Variants in ADGRL3 observed in about 807,000 individuals in gnomAD.
ADGRL3 encodes calcium-independent alpha-latrotoxin receptor 3.
In ADGRL3, 62 loss-of-function variants were observed where a neutral mutation model predicts 153.5. That is an observed-to-expected ratio of 0.40 (90% CI 0.33 to 0.50). The LOEUF (loss-of-function observed/expected upper bound fraction) is 0.50. ADGRL3 is among the 20% of genes least tolerant of loss of function. ADGRL3 has a pLI of 0.47. For missense variants in ADGRL3, 1,641 were observed against 1,859.4 expected (o/e 0.88, Z 2.16); for synonymous variants, 710 against 672.5 (o/e 1.06, Z -0.86).
At chr4:61,681,414 TA>T (rs1379153933) in intron 6 of ADGRL3, among the ~76,000 whole-genome samples, 3 of 152,104 alleles carry the variant, frequency 2.0e-5, no homozygotes, top group African/African-American at 7.2e-5. Context: ...CAATAAAGCA[TA>T]TATTACTTAT....
intron 6 of ADGRL3, among the ~76,000 whole-genome samples, chr4:61,697,093 A>G (rs1213624897): frequency 2.6e-5 from 4 of 152,176 alleles, no homozygotes; most frequent in African/African-American, 7.2e-5. Flanking sequence ...TAAATAATCA[A>G]TTGAAGATTA....
intron 2 of ADGRL3, among the ~76,000 whole-genome samples, chr4:61,428,432 G>A (rs565291726): frequency 6.5e-4 from 99 of 152,242 alleles, no homozygotes; most frequent in Middle Eastern, 3.4e-3. Flanking sequence ...TCCTTACAGC[G>A]ACAGAAGATA....
At chr4:61,328,221 G>C (rs2095502445) in intron 1 of ADGRL3, among the ~76,000 whole-genome samples, 1 of 152,150 alleles carries the variant, frequency 6.6e-6, no homozygotes, top group African/African-American at 2.4e-5. Flanking sequence ...CCAATGTAGA[G>C]CTTGAGTGAG....
At chr4:61,315,423 C>A (rs1056036635) in intron 1 of ADGRL3, among the ~76,000 whole-genome samples, 1 of 152,238 alleles carries the variant, frequency 6.6e-6, no homozygotes, top group South Asian at 2.1e-4. Context: ...CTAACCTAGA[C>A]TAGCCATAAA....
In ADGRL3 at chr4:61,592,373, G is replaced by A. The variant is rs143187522; in HGVS notation, c.473+4933G>A. ...TTTGACAGATCCATTATGTTGTCTC[G>A]TATTTCTCTTATAAACTATAACAGA... On this transcript the variant is annotated intron_variant, in intron 5 of 26. Coordinates refer to ENST00000683033, the MANE Select transcript of ADGRL3 (RefSeq NM_001387552.1). Among the ~76,000 whole-genome samples the A allele has an allele frequency of 8.5e-5, 13 of 152,094 alleles. No individual in the cohort carries two copies. The East Asian group carries it at 1.5e-3, about 18-fold the overall frequency.
intron 25 of ADGRL3, among the ~76,000 whole-genome samples, chr4:62,047,510 T>C (rs1351413391): frequency 6.6e-6 from 1 of 152,122 alleles, no homozygotes; most frequent in Non-Finnish European, 1.5e-5. Context: ...CAGCTTGTTG[T>C]ATCATAAGTA....
In ADGRL3 at chr4:61,759,119, C is replaced by A. The variant is rs191590761; in HGVS notation, c.1399+25565C>A. On this transcript the variant is annotated intron_variant, in intron 8 of 26. Coordinates refer to ENST00000683033, the MANE Select transcript of ADGRL3 (RefSeq NM_001387552.1). ...TTTCTGGCTGCCCTTAACATTTTTT[C>A]CTTCATTTCAACTTTGGTAAATCTG... Among the ~76,000 whole-genome samples, 1,295 of 152,202 alleles carry A rather than the reference C, an allele frequency of 8.5e-3. 21 individuals are homozygous for A. The highest frequency in any genetic ancestry group is 0.03 in the African/African-American group (1,234 of 41,528).
chr4:62,014,309 G>T (rs1394829287), intron 21 of ADGRL3, among the ~76,000 whole-genome samples: 1 of 152,074 alleles, frequency 6.6e-6, no homozygotes, highest in Non-Finnish European at 1.5e-5. Flanking sequence ...TCACTTAAAA[G>T]CAGTAGGTGA....
intron 1 of ADGRL3, among the ~76,000 whole-genome samples, chr4:61,251,933 G>A (rs1349712797): frequency 6.6e-6 from 1 of 150,388 alleles, no homozygotes; most frequent in Non-Finnish European, 1.5e-5. Context: ...GCCCAGGCTG[G>A]AGTGCAATGG....
intron 8 of ADGRL3, among the ~76,000 whole-genome samples, chr4:61,771,240 G>A (rs2097082423): frequency 6.6e-6 from 1 of 152,194 alleles, no homozygotes; most frequent in Admixed American, 6.5e-5. Context: ...CCCTGTGCAA[G>A]TTCCCTTATC....
rs115746756 is a variant in ADGRL3 at position 61,342,138 on chromosome 4, C to G, written c.-239-40986C>G. 4.2e-3 allele frequency among the ~76,000 whole-genome samples: 644 copies of G among 152,004 alleles called. 4 individuals carry two copies. Among genetic ancestry groups the G allele is most frequent in the African/African-American group, 0.015 (626 of 41,472 alleles). Reference sequence around the variant, plus strand: ...ACTATTGATATTTTTATACATTTAGCCGGCATTTCAAATTTTCCTTGCTGC... The same window carrying G: ...ACTATTGATATTTTTATACATTTAGGCGGCATTTCAAATTTTCCTTGCTGC... On this transcript the variant is annotated intron_variant, in intron 1 of 26. Coordinates refer to ENST00000683033, the MANE Select transcript of ADGRL3 (RefSeq NM_001387552.1).
At chr4:61,982,845 A>G (rs965052163) in intron 18 of ADGRL3, among the ~76,000 whole-genome samples, 4 of 152,200 alleles carry the variant, frequency 2.6e-5, no homozygotes, top group African/African-American at 4.8e-5. Context: ...AAGGCAGGGT[A>G]GAAATAAACA....
At chr4:61,435,581 T>C (rs1254028158) in intron 2 of ADGRL3, among the ~76,000 whole-genome samples, 1 of 152,306 alleles carries the variant, frequency 6.6e-6, no homozygotes, top group Middle Eastern at 3.4e-3. Context: ...TTGTATTTTA[T>C]ATATTTTTGT....
intron 4 of ADGRL3, among the ~76,000 whole-genome samples, chr4:61,540,985 T>C (rs2098687280): frequency 6.6e-6 from 1 of 151,788 alleles, no homozygotes; most frequent in Admixed American, 6.6e-5. Flanking sequence ...TTAGTCACAA[T>C]GTAATTATGA....
intron 8 of ADGRL3, among the ~76,000 whole-genome samples, chr4:61,750,777 G>A (rs971332168): frequency 6.3e-4 from 82 of 130,518 alleles, no homozygotes; most frequent in Admixed American, 1.4e-3. Flanking sequence ...GCGACAGAGC[G>A]AGACTCCGTC....
At chr4:61,825,251 A>G (rs1205158790) in intron 9 of ADGRL3, among the ~76,000 whole-genome samples, 1 of 152,212 alleles carries the variant, frequency 6.6e-6, no homozygotes, top group Non-Finnish European at 1.5e-5. Flanking sequence ...GTATATGGCC[A>G]TGGACAAAAC....
intron 5 of ADGRL3, among the ~76,000 whole-genome samples, chr4:61,594,574 C>G (rs2098981580): frequency 6.6e-6 from 1 of 152,118 alleles, no homozygotes; most frequent in African/African-American, 2.4e-5. Context: ...TCTCACTTAC[C>G]AGGCAGAGAC....
rs143234980 is a variant in ADGRL3, at chr4:61,425,823, C to T, written c.-174+42634C>T. Among the ~76,000 whole-genome samples the T allele has an allele frequency of 2.6e-5, 4 of 152,366 alleles. No individual in the cohort carries two copies. In the East Asian group the frequency reaches 7.7e-4, roughly 29 times the overall value. On this transcript the variant is annotated intron_variant, in intron 2 of 26. Coordinates refer to ENST00000683033, the MANE Select transcript of ADGRL3 (RefSeq NM_001387552.1). ...GTAAATCACACAGTAGGCCCTCCCC[C>T]CTGGGGCTATGGTAGCCAACCATCT...
Position 61,201,078 on chromosome 4 carries a change from G to A in ADGRL3, c.-927G>A, listed in dbSNP as rs984432242. Among the ~76,000 whole-genome samples the A allele has an allele frequency of 6.6e-6, 1 of 152,156 alleles. No homozygotes were observed. ...AGGACGAAGAGGAGGACGGTTTGGCGGAGAAGCCACCCCTGGCCCTCGCGG... is the reference window on the plus strand; with the variant it reads ...AGGACGAAGAGGAGGACGGTTTGGCAGAGAAGCCACCCCTGGCCCTCGCGG... On this transcript the variant is annotated 5_prime_UTR_variant, in exon 1 of 27. Coordinates refer to ENST00000683033, the MANE Select transcript of ADGRL3 (RefSeq NM_001387552.1).
Sources: allele counts gnomAD v4.1 joint callset (sites outside exome capture counted in the v4.1 genomes callset), GRCh38; gene constraint gnomAD v4.1.1; transcripts MANE v1.5; gene names NCBI Gene and HGNC (gene_info 2026-07-23, HGNC 2026-07-21).